Variants in ZNF222 observed in about 807,000 individuals in gnomAD.
The protein encoded by ZNF222 is zinc finger protein 222.
In ZNF222, 8 loss-of-function variants were observed where a neutral mutation model predicts 11.6. The ratio of observed to expected loss-of-function variants is 0.69; its 90% CI spans 0.41 to 1.25. The LOEUF is 1.25. ZNF222 is among the 50% of genes most tolerant of loss of function. ZNF222 has a pLI of 0.01. For synonymous variants in ZNF222, 171 were observed against 195.6 expected (o/e 0.87, Z 1.05); for missense variants, 483 against 576.1 (o/e 0.84, Z 1.65).
intron 3 of ZNF222, among the ~76,000 whole-genome samples, chr19:44,029,197 T>G (rs552691788): frequency 0.024 from 2,319 of 98,400 alleles, 37 homozygotes; most frequent in African/African-American, 0.091. Flanking sequence ...TTTTGTTTTT[T>G]TTTTTTTTTT....
chr19:44,030,780 T>A (rs1056695161), intron 3 of ZNF222, among the ~76,000 whole-genome samples: 2 of 152,222 alleles, frequency 1.3e-5, no homozygotes, highest in African/African-American at 4.8e-5. Context: ...GGTTGGTTGA[T>A]TCCCATGTGG....
At position 44,032,870 on chromosome 19, in the gene ZNF222, G is replaced by A. The variant is rs1398245388; in HGVS notation, c.1316G>A (p.Cys439Tyr). The A allele has an allele frequency of 6.2e-7, 1 of 1,613,744 alleles. No individual in the cohort carries two copies. The highest frequency in any genetic ancestry group is 8.5e-7 in the Non-Finnish European group (1 of 1,179,994). ...CACTGCCAAAGAAAGCCATTGAAAT[G>A]TGAAGACTGTGGAAAGAGGCTTGTA... ...KLHCQRKPLK[C>Y]EDCGKRLVCR... Residue 439 changes from cysteine (C) to tyrosine (Y), a missense_variant, in exon 4 of 4, where the codon TGT becomes TAT. Cys to Tyr is a radical substitution (Grantham distance 194). Transcript: ENST00000391960.
At chr19:44,028,018 GTTCCTTTC>G (rs1976417386) in intron 3 of ZNF222, among the ~76,000 whole-genome samples, 1 of 152,200 alleles carries the variant, frequency 6.6e-6, no homozygotes, top group Non-Finnish European at 1.5e-5. Context: ...TTAGGGCTTT[GTTCCTTTC>G]TGGATGTTCA....
intron 3 of ZNF222, among the ~76,000 whole-genome samples, chr19:44,029,177 G>GTTTTTTTTTTTTTTTTTTTTTTTTT (rs1568503536): frequency 7.9e-6 from 1 of 125,916 alleles, no homozygotes; most frequent in African/African-American, 3.2e-5. Flanking sequence ...ACAGTTGTTG[G>GTTTTTTTTTTTTTTTTTTTTTTTTT]TTTGTTTTGT....
chr19:44,031,805 G>T lies in ZNF222; in HGVS notation c.263-12G>T, dbSNP rs376234987. The T allele has an allele frequency of 6.2e-7, 1 of 1,608,344 alleles. No individual in the cohort carries two copies. Among genetic ancestry groups the T allele is most frequent in the Admixed American group, 1.7e-5 (1 of 59,604 alleles). On this transcript the variant is annotated splice_polypyrimidine_tract_variant and intron_variant, in intron 3 of 3. Coordinates refer to ENST00000391960, the MANE Select transcript of ZNF222 (RefSeq NM_001129996.2). ...CTACTTGTCCACATGTCTTAATTCT[G>T]TGTCCTTATAGGAGGCAAGATCCAA...
intron 3 of ZNF222, among the ~76,000 whole-genome samples, chr19:44,029,459 C>A (rs1326452269): frequency 6.6e-6 from 1 of 151,876 alleles, no homozygotes; most frequent in Admixed American, 6.5e-5. Context: ...TGTTTTTCTT[C>A]AAAAAATGTG....
At chr19:44,029,191 G>GTTTTTTTTTTTTTTTTTTT (rs1171435860) in intron 3 of ZNF222, among the ~76,000 whole-genome samples, 4 of 62,040 alleles carry the variant, frequency 6.4e-5, no homozygotes, top group African/African-American at 1.4e-4. Context: ...GTTTTGTTTT[G>GTTTTTTTTTTTTTTTTTTT]TTTTTTTTTT....
chr19:44,032,701 T>A lies in ZNF222; in HGVS notation c.1147T>A (p.Cys383Ser). 6.2e-7 allele frequency: 1 copy of A among 1,614,202 alleles called. No homozygotes were observed. Among genetic ancestry groups the A allele is most frequent in the Non-Finnish European group, 8.5e-7 (1 of 1,180,034 alleles). ...CCACACTGGAGAAAAGCCATACAAATGTGAGGAGTGTGGGAAGGGCTACAT... is the reference window on the plus strand; with the variant it reads ...CCACACTGGAGAAAAGCCATACAAAAGTGAGGAGTGTGGGAAGGGCTACAT... ...RVHTGEKPYK[C>S]EECGKGYISK... Residue 383 changes from cysteine (C) to serine (S), a missense_variant, in exon 4 of 4, where the codon TGT (cysteine) becomes AGT (serine). Coordinates refer to ENST00000391960, the MANE Select transcript of ZNF222 (RefSeq NM_001129996.2).
chr19:44,027,703 C>A (rs950239175), intron 3 of ZNF222, among the ~76,000 whole-genome samples: 8 of 143,778 alleles, frequency 5.6e-5, no homozygotes, highest in African/African-American at 2.0e-4. Flanking sequence ...CATTGCCATT[C>A]CTCAGCTCAA....
chr19:44,026,471 GTTTT>G (rs1319713314), intron 1 of ZNF222, among the ~76,000 whole-genome samples: 1 of 151,580 alleles, frequency 6.6e-6, no homozygotes, highest in Non-Finnish European at 1.5e-5. Context: ...TTCTATAGGA[GTTTT>G]TGTTTGTTTG....
Position 44,032,322 on chromosome 19 carries a change from T to TA in ZNF222, c.771dup (p.Val258SerfsTer13). On this transcript the variant is annotated frameshift_variant, in exon 4 of 4. Coordinates refer to ENST00000391960, the MANE Select transcript of ZNF222 (RefSeq NM_001129996.2). LOFTEE classifies it low-confidence loss of function (END_TRUNC). Reference sequence around the variant, plus strand: ...AAGGCTTCAGATGTAGATCAGCACTTAAAGTTCATTGCAAATTACACATGA... The same window carrying TA: ...AAGGCTTCAGATGTAGATCAGCACTTAAAAGTTCATTGCAAATTACACATGA... 6.2e-7 allele frequency: 1 copy of TA among 1,614,088 alleles called. No individual in the cohort carries two copies. Among genetic ancestry groups the TA allele is most frequent in the Non-Finnish European group, 8.5e-7 (1 of 1,180,022 alleles).
Position 44,032,182 on chromosome 19 carries a change from G to A in ZNF222, c.628G>A (p.Val210Met), listed in dbSNP as rs910684111. ...LHIHQRVHMGVKCYKCDVCGK... is the reference protein window; with the variant it reads ...LHIHQRVHMGMKCYKCDVCGK... ...TATTCATCAGAGGGTCCACATGGGA[G>A]TGAAATGCTATAAGTGTGATGTGTG... Residue 210 changes from valine (V) to methionine (M), a missense_variant, in exon 4 of 4, where the codon GTG becomes ATG. By Grantham distance (21) the Val-to-Met change is conservative. Coordinates refer to ENST00000391960, the MANE Select transcript of ZNF222 (RefSeq NM_001129996.2). 3 of 1,614,098 alleles carry A rather than the reference G, an allele frequency of 1.9e-6. No homozygotes were observed. Among genetic ancestry groups the A allele is most frequent in the African/African-American group, 2.7e-5 (2 of 74,926 alleles).
At chr19:44,026,021 C>A (rs774456935) in intron 1 of ZNF222, 1 of 1,608,582 alleles carries the variant, frequency 6.2e-7, no homozygotes, top group East Asian at 2.2e-5. Context: ...TTTCTTTTTC[C>A]CCAGCCCGAC....
At chr19:44,027,583 G>C in intron 3 of ZNF222, 93 bp downstream of exon 3, 2 of 1,207,012 alleles carry the variant, frequency 1.7e-6, no homozygotes, top group Non-Finnish European at 2.4e-6. Flanking sequence ...GGCCAAACCT[G>C]TTTCCTGGAT....
chr19:44,027,022 G>A lies in ZNF222; in HGVS notation c.43-1G>A. The A allele has an allele frequency of 6.2e-7, 1 of 1,613,930 alleles. No homozygotes were observed. On this transcript the variant is annotated splice_acceptor_variant, in intron 1 of 3. Transcript: ENST00000391960. LOFTEE classifies it high-confidence loss of function. ...GAGGTGACATCTGCTTGATGTTGTA[G>A]GAGGCAGTGACCTTCAAGGATGTGG... is the stretch of plus-strand genomic sequence containing the variant.
chr19:44,032,322 TA>T lies in ZNF222; in HGVS notation c.771del (p.Val258PhefsTer7), dbSNP rs1372339974. 6.2e-7 allele frequency: 1 copy of T among 1,613,970 alleles called. No individual in the cohort carries two copies. Among genetic ancestry groups the T allele is most frequent in the Non-Finnish European group, 8.5e-7 (1 of 1,180,030 alleles). Reference sequence around the variant, plus strand: ...AAGGCTTCAGATGTAGATCAGCACTTAAAGTTCATTGCAAATTACACATGAG... The same window carrying T: ...AAGGCTTCAGATGTAGATCAGCACTTAAGTTCATTGCAAATTACACATGAG... Reference protein sequence around the residue: ...GKGFRCRSALKVHCKLHMREK... With the variant: ...GKGFRCRSALXVHCKLHMREK... On this transcript the variant is annotated frameshift_variant, in exon 4 of 4. Coordinates refer to ENST00000391960, the MANE Select transcript of ZNF222 (RefSeq NM_001129996.2). LOFTEE classifies it low-confidence loss of function (END_TRUNC).
chr19:44,027,458 TG>T lies in ZNF222; in HGVS notation c.234del (p.Thr79GlnfsTer42). The stretch of plus-strand genomic sequence containing the variant: ...CTAAGGGAAGAAAAGTTTTGGGTGA[TG>T]GGGACAACAAGCCAAAGAGAAGGGA... ...HFLREEKFWV[M>X]GTTSQREGNL... On this transcript the variant is annotated frameshift_variant, in exon 3 of 4. Coordinates refer to ENST00000391960, the MANE Select transcript of ZNF222 (RefSeq NM_001129996.2). LOFTEE classifies it low-confidence loss of function (END_TRUNC). 1 of 1,614,152 alleles carries T rather than the reference TG, an allele frequency of 6.2e-7. No individual in the cohort carries two copies.
chr19:44,030,224 ACT>A lies in ZNF222; in HGVS notation c.263-1590_263-1589del, dbSNP rs1443096295. ...CAGAACTACAGTTGTCTGTCCCTGTACTCTTTCAGATAACCAAGTTACTTACT... is the reference window on the plus strand; with the variant it reads ...CAGAACTACAGTTGTCTGTCCCTGTACTTTCAGATAACCAAGTTACTTACT... On this transcript the variant is annotated intron_variant, in intron 3 of 3. Coordinates refer to ENST00000391960, the MANE Select transcript of ZNF222 (RefSeq NM_001129996.2). 2.0e-5 allele frequency among the ~76,000 whole-genome samples: 3 copies of A among 152,130 alleles called. No homozygotes were observed. The East Asian group carries it at 5.8e-4, about 29-fold the overall frequency.
chr19:44,025,968 A>C lies in ZNF222; in HGVS notation c.42+490A>C. 2 of 1,550,874 alleles carry C rather than the reference A, an allele frequency of 1.3e-6. No homozygotes were observed. Among genetic ancestry groups the C allele is most frequent in the Non-Finnish European group, 1.8e-6 (2 of 1,142,748 alleles). On this transcript the variant is annotated intron_variant, in intron 1 of 3. Transcript: ENST00000391960. The surrounding 1 kb of genome is among the most constrained non-coding windows in gnomAD (Gnocchi z 4.6). ...TTTTAGGAAAGTGAGGGGAGCATTT[A>C]ACTTTTATGGGGGACGGCAAAACGG...
Sources: gnomAD v4.1 joint callset for allele counts (sites outside exome capture counted in the v4.1 genomes callset) on GRCh38, gnomAD v4.1.1 for gene constraint, Gnocchi (gnomAD v3.1) non-coding constraint, MANE v1.5 for transcripts, NCBI Gene and HGNC (gene_info 2026-07-23, HGNC 2026-07-21) for gene names.